The following INAVA variants were observed in gnomAD, a reference collection of about 807,000 sequenced individuals.
The protein encoded by INAVA is innate immunity activator protein.
In INAVA, 32 loss-of-function variants were observed where a neutral mutation model predicts 55.3. The ratio of observed to expected loss-of-function variants is 0.58; its 90% CI spans 0.44 to 0.78. The LOEUF (loss-of-function observed/expected upper bound fraction) is 0.78, where lower values mean the gene tolerates loss of function less well. Ranked by LOEUF, INAVA falls within the 30% of genes least tolerant of loss-of-function variation. INAVA has a pLI of 0.00. For missense variants in INAVA, 756 were observed against 786.4 expected, an observed-to-expected ratio of 0.96 and a Z score of 0.46; for synonymous variants, 294 against 329.4, an observed-to-expected ratio of 0.89 and a Z score of 1.16.
intron 5 of INAVA, 49 bp from the exon 6 acceptor site, chr1:200,907,781 CTGTT>C (rs1268249571): frequency 1.6e-5 from 24 of 1,509,994 alleles, no homozygotes; most frequent in Non-Finnish European, 2.2e-5. Context: ...TTACTCATAT[CTGTT>C]TGTTCATTTC....
At chr1:200,901,839 T>C (rs956666761) in intron 5 of INAVA, among the ~76,000 whole-genome samples, 2 of 152,188 alleles carry the variant, frequency 1.3e-5, no homozygotes, top group East Asian at 3.8e-4. Context: ...CTAGTGGCCG[T>C]GGGGGCACCT....
Position 200,911,991 on chromosome 1 carries a change from G to C in INAVA, c.1498G>C (p.Val500Leu). The change falls in exon 9 of 10, where the codon GTG becomes CTG. Residue 500 changes from valine to leucine, a missense_variant. Val to Leu is a conservative substitution (Grantham distance 32, BLOSUM62 1). This residue lies in a region of INAVA where 117 missense variants were observed against 162.1 expected (regional missense o/e 0.72). Transcript: ENST00000413687. The part of the protein sequence containing the change: ...PAGRGLSKAA[V>L]SEELKWWHER... ...AGGCCGGGGGCTCAGCAAGGCCGCCGTGTCCGAGGAGCTCAAGTGGTGGCA... is the reference window on the plus strand; with the variant it reads ...AGGCCGGGGGCTCAGCAAGGCCGCCCTGTCCGAGGAGCTCAAGTGGTGGCA... The C allele has an allele frequency of 2.0e-6, 3 of 1,531,000 alleles. No individual in the cohort carries two copies. The highest frequency in any genetic ancestry group is 2.4e-5 in the South Asian group (2 of 82,904). 94.8% of individuals were successfully genotyped at this position (1,531,000 alleles called of 1,614,324 possible).
chr1:200,901,133 C>T lies in INAVA; in HGVS notation c.494C>T (p.Pro165Leu), dbSNP rs1036227894. 21 of 1,524,824 alleles carry T rather than the reference C, an allele frequency of 1.4e-5. No homozygotes were observed. Among genetic ancestry groups the T allele is most frequent in the Admixed American group, 2.0e-5 (1 of 50,346 alleles). The allele number at this position is 1,524,824 out of a possible 1,614,324, so 94.5% of individuals were successfully genotyped here. The change falls in exon 5 of 10, where the codon CCG becomes CTG. Residue 165 changes from proline to leucine, a missense_variant. Pro to Leu is a moderately conservative substitution (Grantham distance 98). Around this residue, in one of 2 missense-constraint regions of INAVA, gnomAD observed 639 missense variants for 624.3 expected, o/e 1.02. Coordinates refer to ENST00000413687, the MANE Select transcript of INAVA (RefSeq NM_001142569.3). ...VERRRNSEPP[P>L]AAALPLGREL... ...CGGCGGCGCAATAGCGAGCCACCTC[C>T]GGCTGCTGCTCTCCCCCTGGGCCGA...
chr1:200,914,141 C>T lies in INAVA; in HGVS notation c.*512C>T, dbSNP rs555828628. 6.3e-6 allele frequency: 1 copy of T among 158,160 alleles called. No individual in the cohort carries two copies. Among genetic ancestry groups the T allele is most frequent in the African/African-American group, 2.4e-5 (1 of 41,606 alleles). 9.8% of individuals were successfully genotyped at this position (158,160 alleles called of 1,614,324 possible). Reference sequence around the variant, plus strand: ...CTGGGCTGGGGGAGAATCTCTTCCCCCTTTTCTAATGTGCTCTGTGATGCA... The same window carrying T: ...CTGGGCTGGGGGAGAATCTCTTCCCTCTTTTCTAATGTGCTCTGTGATGCA... On this transcript the variant is annotated 3_prime_UTR_variant, in exon 10 of 10. Coordinates refer to ENST00000413687, the MANE Select transcript of INAVA (RefSeq NM_001142569.3).
At chr1:200,911,120 T>G (rs1299999528) in intron 8 of INAVA, among the ~76,000 whole-genome samples, 1 of 24,192 alleles carries the variant, frequency 4.1e-5, no homozygotes, top group Non-Finnish European at 7.6e-5. Context: ...AAAAAAGTAC[T>G]TAATGTAGTA....
chr1:200,904,184 G>A (rs1373923777), intron 5 of INAVA, among the ~76,000 whole-genome samples: 1 of 152,100 alleles, frequency 6.6e-6, no homozygotes, highest in African/African-American at 2.4e-5. Context: ...CACCTACCGG[G>A]TTTAAGCGAT....
In INAVA at chr1:200,913,519, T is replaced by C. The variant is rs1653831391; in HGVS notation, c.1645-18T>C. 1.9e-6 allele frequency: 3 copies of C among 1,611,510 alleles called. No individual in the cohort carries two copies. The highest frequency in any genetic ancestry group is 2.2e-5 in the South Asian group (2 of 90,984). ...CTGGTTCATTTACCCACCTGTCCTT[T>C]CTTCCTGACCCTGGCAGGTGCCCAC... On this transcript the variant is annotated intron_variant, in intron 9 of 9. Coordinates refer to ENST00000413687, the MANE Select transcript of INAVA (RefSeq NM_001142569.3).
chr1:200,900,954 G>C lies in INAVA; in HGVS notation c.315G>C (p.Leu105=). The C allele has an allele frequency of 6.4e-7, 1 of 1,551,974 alleles. No homozygotes were observed. Among genetic ancestry groups the C allele is most frequent in the Non-Finnish European group, 8.7e-7 (1 of 1,146,822 alleles). Residue 105 remains leucine, a synonymous_variant, in exon 5 of 10, where the codon CTG becomes CTC. Coordinates refer to ENST00000413687, the MANE Select transcript of INAVA (RefSeq NM_001142569.3). ...ALHREDPLSS[L]ERQLALQLQI... is the part of the protein sequence containing the mutation. ...TCTCTCAGGACCCCCTAAGCAGCCTGGAGCGCCAGCTGGCCCTGCAGCTGC... is the reference window on the plus strand; with the variant it reads ...TCTCTCAGGACCCCCTAAGCAGCCTCGAGCGCCAGCTGGCCCTGCAGCTGC...
chr1:200,898,271 T>A, intron 1 of INAVA, 36 bp from the exon 2 acceptor site: 2 of 1,599,980 alleles, frequency 1.3e-6, no homozygotes, highest in Non-Finnish European at 1.7e-6. Context: ...GGTTCATATC[T>A]AGCTTTTTTG....
rs1184364202 is a variant in INAVA at position 200,914,287 on chromosome 1, C to G, written c.*658C>G. On this transcript the variant is annotated 3_prime_UTR_variant, in exon 10 of 10. Coordinates refer to ENST00000413687, the MANE Select transcript of INAVA (RefSeq NM_001142569.3). ...ACCCAGTCACTATACCCTGTCTATG[C>G]CCTGTGGGCTCCCAGACCCCTGAGC... is the stretch of plus-strand genomic sequence containing the variant. 2 of 152,400 alleles carry G rather than the reference C, an allele frequency of 1.3e-5. No homozygotes were observed. Among genetic ancestry groups the G allele is most frequent in the Non-Finnish European group, 2.9e-5 (2 of 68,112 alleles). 9.4% of individuals were successfully genotyped at this position (152,400 alleles called of 1,614,324 possible).
upstream of INAVA, among the ~76,000 whole-genome samples, chr1:200,894,018 C>CT (rs1668289229): frequency 6.6e-6 from 1 of 152,068 alleles, no homozygotes; most frequent in Non-Finnish European, 1.5e-5. Context: ...ACAGGCCAGG[C>CT]AACAGTCAGC....
intron 1 of INAVA, among the ~76,000 whole-genome samples, chr1:200,897,453 A>G (rs1461099929): frequency 6.6e-6 from 1 of 152,174 alleles, no homozygotes; most frequent in Non-Finnish European, 1.5e-5. Context: ...TTCAGAGTCC[A>G]GGGCGCCAAT....
chr1:200,891,864 C>T (rs1668245562), upstream of INAVA, among the ~76,000 whole-genome samples: 1 of 152,202 alleles, frequency 6.6e-6, no homozygotes, highest in African/African-American at 2.4e-5. Context: ...ATGCACATTT[C>T]CAGTCCCTCA....
At chr1:200,892,417 T>A (rs3767492), upstream of INAVA, among the ~76,000 whole-genome samples, 128,220 of 151,146 alleles carry the variant, frequency 0.85, 54,595 homozygotes, top group Non-Finnish European at 0.88. Flanking sequence ...AACTTTTTTT[T>A]AAAAAAAATG....
At chr1:200,907,628 C>T (rs992599073) in intron 5 of INAVA, among the ~76,000 whole-genome samples, 1 of 151,756 alleles carries the variant, frequency 6.6e-6, no homozygotes, top group Admixed American at 6.6e-5. Context: ...CACTGCACTC[C>T]AGCCTGGGCC....
rs563496871 is a variant in INAVA, at chr1:200,894,943, G to A, written c.-239G>A. The A allele has an allele frequency of 1.8e-4, 178 of 985,804 alleles. 2 individuals carry two copies. The South Asian group carries it at 2.8e-3, about 16-fold the overall frequency. 61.1% of individuals were successfully genotyped at this position (985,804 alleles called of 1,614,324 possible). On this transcript the variant is annotated 5_prime_UTR_variant, in exon 1 of 10. Transcript: ENST00000413687. The stretch of plus-strand genomic sequence containing the variant: ...GCAAGGTAGGCAGGTGAGCCGAGAC[G>A]GACGGACGGCCAGCAGCTCCGTCAG...
chr1:200,912,358 CTAGCTCAA>C (rs1048420177), intron 9 of INAVA, among the ~76,000 whole-genome samples: 11 of 114,928 alleles, frequency 9.6e-5, no homozygotes, highest in Admixed American at 7.0e-4. Flanking sequence ...CCTGCCATGT[CTAGCTCAA>C]GAGCATATAC....
In INAVA at chr1:200,898,434, A is replaced by G; in HGVS notation, c.34A>G (p.Ser12Gly). The G allele has an allele frequency of 1.9e-6, 3 of 1,614,034 alleles. No individual in the cohort carries two copies. The highest frequency in any genetic ancestry group is 2.2e-5 in the East Asian group (1 of 44,878). The stretch of plus-strand genomic sequence containing the variant: ...TAAGGATGAGGTCAGCGACACCGAC[A>G]GTGGCATCATCCTGCAGTCTGGTGA... The part of the protein sequence containing the change: ...ESKDEVSDTD[S>G]GIILQSGPDS... The change falls in exon 2 of 10, where the codon AGT (serine) becomes GGT (glycine). Residue 12 changes from serine (S) to glycine (G), a missense_variant. Ser to Gly is a moderately conservative substitution (Grantham distance 56, BLOSUM62 0). Coordinates refer to ENST00000413687, the MANE Select transcript of INAVA (RefSeq NM_001142569.3).
intron 1 of INAVA, 26 bp from the exon 2 acceptor site, chr1:200,898,278 TTTG>T: frequency 6.2e-7 from 1 of 1,602,892 alleles, no homozygotes. Context: ...ATCTAGCTTT[TTTG>T]TTATTGTTCT....
Sources: allele counts gnomAD v4.1 joint callset (sites outside exome capture counted in the v4.1 genomes callset), GRCh38; gene constraint gnomAD v4.1.1; regional missense constraint gnomAD v4.1.1; transcripts MANE v1.5; gene names NCBI Gene and HGNC (gene_info 2026-07-23, HGNC 2026-07-21).